Variants in MS4A1 observed in about 807,000 individuals in gnomAD.
MS4A1 encodes the protein membrane spanning 4-domains A1.
In MS4A1, 16 loss-of-function variants were observed where a neutral mutation model predicts 26.5. The ratio of observed to expected loss-of-function variants is 0.60; its 90% CI spans 0.41 to 0.92. The LOEUF (loss-of-function observed/expected upper bound fraction) is 0.92, where lower values mean the gene tolerates loss of function less well. Among genes scored for constraint, MS4A1 ranks in the 40% least tolerant of loss-of-function variants. The pLI is 0.00. For synonymous variants in MS4A1, 128 were observed against 117.6 expected (o/e 1.09, Z -0.57); for missense variants, 350 against 353.0 (o/e 0.99, Z 0.07).
At chr11:60,466,924 T>TA (rs767606777) in intron 6 of MS4A1, 35 bp from the exon 7 acceptor site, 2 of 1,585,916 alleles carry the variant, frequency 1.3e-6, no homozygotes. Flanking sequence ...GTGCCATTAT[T>TA]ACATTTTCAC....
rs1034574476 is a variant in MS4A1 at position 60,467,018 on chromosome 11, C to T, written c.633C>T (p.Ile211=). 5 of 1,614,084 alleles carry T rather than the reference C, an allele frequency of 3.1e-6. No homozygotes were observed. The highest frequency in any genetic ancestry group is 2.2e-5 in the South Asian group (2 of 91,078). The change falls in exon 7 of 8, where the codon ATC becomes ATT. Residue 211 remains isoleucine, a synonymous_variant. Transcript: ENST00000345732. ...AFFQELVIAG[I]VENEWKRTCS... is the part of the protein sequence containing the mutation. ...TCCAGGAACTTGTAATAGCTGGCAT[C>T]GTTGAGAATGAATGGAAAAGAACGT...
chr11:60,461,191 G>A (rs1007795240), intron 2 of MS4A1, 31 bp downstream of exon 2: 1 of 151,670 alleles, frequency 6.6e-6, no homozygotes. Flanking sequence ...ATGCCGTAAA[G>A]CAATTAAGAT....
chr11:60,463,428 T>G (rs1030791830), intron 4 of MS4A1, among the ~76,000 whole-genome samples: 1 of 152,182 alleles, frequency 6.6e-6, no homozygotes, highest in African/African-American at 2.4e-5. Flanking sequence ...TTAGACTAGA[T>G]AGCAAGATGT....
At chr11:60,466,919 A>C (rs760733438) in intron 6 of MS4A1, 40 bp from the exon 7 acceptor site, 2 of 1,568,088 alleles carry the variant, frequency 1.3e-6, no homozygotes, top group South Asian at 1.1e-5. Context: ...TCTTTGTGCC[A>C]TTATTACATT....
At chr11:60,458,177 G>T (rs982586769) in intron 1 of MS4A1, 1 of 152,186 alleles carries the variant, frequency 6.6e-6, no homozygotes, top group Non-Finnish European at 1.5e-5. Flanking sequence ...TGGTTGGACT[G>T]AGATGGGCTG....
rs371479947 is a variant in MS4A1 at position 60,464,300 on chromosome 11, G to T, written c.292G>T (p.Gly98Ter). ...LWGGIMYIIS[G>*]SLLAATEKNS... is the part of the protein sequence containing the mutation. ...CTCTTTTTTACAGTATATTATTTCC[G>T]GATCACTCCTGGCAGCAACGGAGAA... is the stretch of plus-strand genomic sequence containing the variant. The change falls in exon 5 of 8, where the codon GGA becomes TGA. Residue 98 changes from glycine to a stop codon, truncating the protein, a stop_gained. Coordinates refer to ENST00000345732, the MANE Select transcript of MS4A1 (RefSeq NM_152866.3). LOFTEE classifies it high-confidence loss of function. 1 of 1,598,926 alleles carries T rather than the reference G, an allele frequency of 6.3e-7. No individual in the cohort carries two copies. Among genetic ancestry groups the T allele is most frequent in the Middle Eastern group, 1.7e-4 (1 of 5,998 alleles).
At chr11:60,466,708 A>G (rs1447687655) in intron 6 of MS4A1, 1 of 503,334 alleles carries the variant, frequency 2.0e-6, no homozygotes, top group Admixed American at 3.2e-5. Context: ...TGATTCTTCA[A>G]CTGATTATTC....
chr11:60,463,069 T>C lies in MS4A1; in HGVS notation c.227T>C (p.Ile76Thr), dbSNP rs749373907. ...LGGLLMIPAG[I>T]YAPICVTVWY... ...GGTCTTCTGATGATCCCAGCAGGGA[T>C]CTATGCACCCATCTGTGTGACTGTG... The change falls in exon 4 of 8, where the codon ATC becomes ACC. Residue 76 changes from isoleucine to threonine, a missense_variant. Coordinates refer to ENST00000345732, the MANE Select transcript of MS4A1 (RefSeq NM_152866.3). 10 of 1,614,056 alleles carry C rather than the reference T, an allele frequency of 6.2e-6. No individual in the cohort carries two copies. The highest frequency in any genetic ancestry group is 8.5e-6 in the Non-Finnish European group (10 of 1,180,028).
intron 6 of MS4A1, 187 bp from the exon 7 acceptor site, chr11:60,466,772 T>C: frequency 1.6e-6 from 1 of 638,776 alleles, no homozygotes; most frequent in South Asian, 1.8e-5. Flanking sequence ...GTGCCAAAAG[T>C]TGTGTTAAGA....
chr11:60,460,972 G>C (rs1423619532), intron 1 of MS4A1, 100 bp from the exon 2 acceptor site: 2 of 151,708 alleles, frequency 1.3e-5, no homozygotes, highest in African/African-American at 4.8e-5. Flanking sequence ...AACAAGAATA[G>C]CAACAAAAAT....
At position 60,464,276 on chromosome 11, in the gene MS4A1, T is replaced by TC; in HGVS notation, c.280-11dup. On this transcript the variant is annotated splice_polypyrimidine_tract_variant and intron_variant, in intron 4 of 7. Transcript: ENST00000345732. ...ACCCCCTCTCCATCTCCCCCACCTC[T>TC]CTTTTTTACAGTATATTATTTCCGG... 1 of 1,495,154 alleles carries TC rather than the reference T, an allele frequency of 6.7e-7. No individual in the cohort carries two copies. The highest frequency in any genetic ancestry group is 9.1e-7 in the Non-Finnish European group (1 of 1,094,454). 92.6% of individuals were successfully genotyped at this position (1,495,154 alleles called of 1,614,324 possible). A position where few individuals can be genotyped will look rare whatever the true frequency, so the allele number is the denominator to read the frequency against.
At chr11:60,461,205 A>G (rs2086244826) in intron 2 of MS4A1, 45 bp downstream of exon 2, 1 of 151,758 alleles carries the variant, frequency 6.6e-6, no homozygotes, top group Non-Finnish European at 1.5e-5. Context: ...TTAAGATAGG[A>G]TTTTGTAAAA....
chr11:60,465,250 AC>A (rs2135200763), intron 5 of MS4A1, among the ~76,000 whole-genome samples: 1 of 152,340 alleles, frequency 6.6e-6, no homozygotes, highest in Admixed American at 6.5e-5. Flanking sequence ...TCCTGTTTCA[AC>A]CTTTTATCAT....
At chr11:60,464,164 A>G (rs2086271135) in intron 4 of MS4A1, 124 bp from the exon 5 acceptor site, 1 of 713,432 alleles carries the variant, frequency 1.4e-6, no homozygotes, top group Non-Finnish European at 2.5e-6. Context: ...TGGTTGTGTG[A>G]AAGTTGCTGA....
Position 60,458,480 on chromosome 11 carries a change from C to T in MS4A1, c.-280+2535C>T, listed in dbSNP as rs532869495. On this transcript the variant is annotated intron_variant, in intron 1 of 7. Coordinates refer to ENST00000345732, the MANE Select transcript of MS4A1 (RefSeq NM_152866.3). ...AGGAGTTAGTGTGAGTAATTAAATGCGGTACTGAGTGATCACCTGAGTCTC... is the reference window on the plus strand; with the variant it reads ...AGGAGTTAGTGTGAGTAATTAAATGTGGTACTGAGTGATCACCTGAGTCTC... Among the ~76,000 whole-genome samples, 18 of 152,214 alleles carry T rather than the reference C, an allele frequency of 1.2e-4. No homozygotes were observed. The South Asian group carries it at 2.9e-3, about 25-fold the overall frequency.
intron 4 of MS4A1, among the ~76,000 whole-genome samples, chr11:60,463,454 G>A (rs1417474725): frequency 6.6e-6 from 1 of 152,164 alleles, no homozygotes; most frequent in Non-Finnish European, 1.5e-5. Flanking sequence ...AAAGCAAGAG[G>A]CAGCAGGAAC....
Position 60,462,526 on chromosome 11 carries a change from C to G in MS4A1, c.152C>G (p.Thr51Ser). Reference protein sequence around the residue: ...TQSFFMRESKTLGAVQIMNGL... With the variant: ...TQSFFMRESKSLGAVQIMNGL... ...AGCTTCTTCATGAGGGAATCTAAGA[C>G]TTTGGGGGTAAGTCAGTTGCCTTCC... The change falls in exon 3 of 8, where the codon ACT (threonine) becomes AGT (serine). Residue 51 changes from threonine to serine, a missense_variant. By Grantham distance (58) the Thr-to-Ser change is moderately conservative (BLOSUM62 1). Coordinates refer to ENST00000345732, the MANE Select transcript of MS4A1 (RefSeq NM_152866.3). The G allele has an allele frequency of 6.2e-7, 1 of 1,614,156 alleles. No homozygotes were observed. The highest frequency in any genetic ancestry group is 8.5e-7 in the Non-Finnish European group (1 of 1,180,020).
intron 6 of MS4A1, chr11:60,466,744 A>G: frequency 1.7e-6 from 1 of 582,974 alleles, no homozygotes; most frequent in Non-Finnish European, 3.1e-6. Flanking sequence ...TCAGCAATAC[A>G]CATTAACCAT....
In MS4A1 at chr11:60,462,329, T is replaced by C; in HGVS notation, c.-46T>C. ...ACTGCCAAAAATCTTGTTCTTGCTC[T>C]CCTCATTTTGTTATTTGTTTTATTT... is the stretch of plus-strand genomic sequence containing the variant. On this transcript the variant is annotated 5_prime_UTR_variant, in exon 3 of 8. Coordinates refer to ENST00000345732, the MANE Select transcript of MS4A1 (RefSeq NM_152866.3). The C allele has an allele frequency of 1.2e-6, 2 of 1,609,756 alleles. No homozygotes were observed. Among genetic ancestry groups the C allele is most frequent in the Middle Eastern group, 1.7e-4 (1 of 6,056 alleles).
Sources: gnomAD v4.1 joint callset for allele counts (sites outside exome capture counted in the v4.1 genomes callset) on GRCh38, gnomAD v4.1.1 for gene constraint, MANE v1.5 for transcripts, NCBI Gene and HGNC (gene_info 2026-07-23, HGNC 2026-07-21) for gene names.